FARP2: variants seen among roughly 807,000 people sequenced by gnomAD.
The protein encoded by FARP2 is FERM, ARH/RhoGEF and pleckstrin domain protein 2.
FARP2 carries 111 observed loss-of-function variants against 130.5 expected under a neutral mutation model. That is an observed-to-expected ratio of 0.85 (90% CI 0.73 to 1.00). The LOEUF (loss-of-function observed/expected upper bound fraction) is 1.00, where lower values mean the gene tolerates loss of function less well. FARP2 is among the 50% of genes least tolerant of loss of function. The pLI is 0.00. For missense variants in FARP2, 1,385 were observed against 1,346.3 expected, an observed-to-expected ratio of 1.03 and a Z score of -0.45; for synonymous variants, 504 against 516.9, an observed-to-expected ratio of 0.98 and a Z score of 0.34.
At chr2:241,391,246 A>G (rs2061896919) in intron 2 of FARP2, among the ~76,000 whole-genome samples, 1 of 152,198 alleles carries the variant, frequency 6.6e-6, no homozygotes, top group Non-Finnish European at 1.5e-5. Context: ...GAAGAAAATA[A>G]TTATATGTTT....
At chr2:241,469,550 A>G (rs2064256782) in intron 18 of FARP2, among the ~76,000 whole-genome samples, 1 of 152,254 alleles carries the variant, frequency 6.6e-6, no homozygotes. Flanking sequence ...CTTTCTTTTC[A>G]TTCTAAAAGA....
chr2:241,357,224 G>GGTTTTT (rs2061089205), intron 1 of FARP2, among the ~76,000 whole-genome samples: 1 of 152,182 alleles, frequency 6.6e-6, no homozygotes, highest in African/African-American at 2.4e-5. Context: ...TTTCTCTCTG[G>GGTTTTT]GTTTTTGTTT....
At chr2:241,421,532 T>C (rs1472730392) in intron 8 of FARP2, among the ~76,000 whole-genome samples, 1 of 152,204 alleles carries the variant, frequency 6.6e-6, no homozygotes, top group Non-Finnish European at 1.5e-5. Context: ...TTTGGTTGAC[T>C]CAGCCATTTT....
intron 2 of FARP2, among the ~76,000 whole-genome samples, chr2:241,394,974 G>A (rs2061994568): frequency 6.6e-6 from 1 of 152,332 alleles, no homozygotes; most frequent in South Asian, 2.1e-4. Flanking sequence ...GGCAGACAGC[G>A]AGCAGCAGTA....
intron 2 of FARP2, among the ~76,000 whole-genome samples, chr2:241,402,878 ATATTTTTTTTTTTTTT>A (rs2062228654): frequency 2.4e-4 from 2 of 8,470 alleles, no homozygotes; most frequent in African/African-American, 1.3e-3. Context: ...ATATATATAT[ATATTTTTTTTTTTTTT>A]TTTTTTTTTT....
At chr2:241,491,806 A>C in intron 24 of FARP2, 127 bp downstream of exon 24, 5 of 851,198 alleles carry the variant, frequency 5.9e-6, no homozygotes, top group Admixed American at 6.3e-5. Context: ...ACTGCCTCTT[A>C]CTCTCCCCTT....
At chr2:241,402,419 C>T (rs2062193087) in intron 2 of FARP2, among the ~76,000 whole-genome samples, 1 of 152,124 alleles carries the variant, frequency 6.6e-6, no homozygotes, top group Admixed American at 6.6e-5. Context: ...ACATCTTCAT[C>T]TAATAAGAGC....
At chr2:241,467,664 G>A (rs917418909) in intron 17 of FARP2, among the ~76,000 whole-genome samples, 13 of 151,790 alleles carry the variant, frequency 8.6e-5, no homozygotes, top group African/African-American at 3.1e-4. Flanking sequence ...AAAAAGTCAG[G>A]TGTGGTTATT....
At chr2:241,487,913 A>G (rs2064797692) in intron 21 of FARP2, among the ~76,000 whole-genome samples, 1 of 151,410 alleles carries the variant, frequency 6.6e-6, no homozygotes, top group Non-Finnish European at 1.5e-5. Flanking sequence ...ACGCCTGGCT[A>G]ATTTTTTGTA....
In FARP2 at chr2:241,475,012, T is replaced by C. The variant is rs893900054; in HGVS notation, c.2132-845T>C. Reference sequence around the variant, plus strand: ...TTAGTATAACTTTGTGTTTTAAGTTTCCTGTCCAGATTATAAACTTTCTCT... The same window carrying C: ...TTAGTATAACTTTGTGTTTTAAGTTCCCTGTCCAGATTATAAACTTTCTCT... On this transcript the variant is annotated intron_variant, in intron 18 of 26. Transcript: ENST00000264042. This position sits in a 1 kb window ranked among gnomAD's most constrained non-coding sequence, Gnocchi z 4.4. Among the ~76,000 whole-genome samples the C allele has an allele frequency of 6.6e-6, 1 of 152,168 alleles. No homozygotes were observed. The highest frequency in any genetic ancestry group is 6.5e-5 in the Admixed American group (1 of 15,284).
intron 2 of FARP2, among the ~76,000 whole-genome samples, chr2:241,388,971 A>C (rs1025558281): frequency 6.6e-6 from 1 of 152,160 alleles, no homozygotes; most frequent in South Asian, 2.1e-4. Flanking sequence ...CACGAGTGGG[A>C]TTAGTGCCCT....
chr2:241,361,688 A>G (rs894145622), intron 1 of FARP2, among the ~76,000 whole-genome samples: 28 of 152,272 alleles, frequency 1.8e-4, no homozygotes, highest in South Asian at 4.1e-4. Flanking sequence ...CTCTATAGTC[A>G]AACTGCTTTA....
intron 13 of FARP2, among the ~76,000 whole-genome samples, chr2:241,453,187 G>A (rs746788503): frequency 4.6e-4 from 69 of 150,130 alleles, no homozygotes; most frequent in African/African-American, 3.9e-4. Flanking sequence ...AAAATTAGCC[G>A]GGCATGGTGG....
At chr2:241,418,773 G>A (rs949148321) in intron 8 of FARP2, among the ~76,000 whole-genome samples, 20 of 152,130 alleles carry the variant, frequency 1.3e-4, no homozygotes, top group East Asian at 3.8e-4. Context: ...TGCTAGTGCC[G>A]ACTAGAAGGA....
At chr2:241,464,995 G>A (rs777476663) in intron 17 of FARP2, among the ~76,000 whole-genome samples, 4 of 152,020 alleles carry the variant, frequency 2.6e-5, no homozygotes, top group Non-Finnish European at 5.9e-5. Context: ...CTCACAACAG[G>A]GTCCCCCAGA....
In FARP2 at chr2:241,491,144, C is replaced by A; in HGVS notation, c.2588C>A (p.Ala863Glu). The A allele has an allele frequency of 3.1e-6, 5 of 1,613,194 alleles. No individual in the cohort carries two copies. Among genetic ancestry groups the A allele is most frequent in the Non-Finnish European group, 4.2e-6 (5 of 1,179,890 alleles). The stretch of plus-strand genomic sequence containing the variant: ...AAGAGTGGCGGTGACACGGCCCCTG[C>A]ACTGCCAGGCCGCACTGTGTGCACT... ...AAKSGGDTAP[A>E]LPGRTVCTRP... The change falls in exon 23 of 27, where the codon GCA (alanine) becomes GAA (glutamate). Residue 863 changes from alanine (A) to glutamate (E), a missense_variant. Coordinates refer to ENST00000264042, the MANE Select transcript of FARP2 (RefSeq NM_014808.4).
In FARP2 at chr2:241,407,442, C is replaced by T. The variant is rs973527602; in HGVS notation, c.332-95C>T. 4 of 935,342 alleles carry T rather than the reference C, an allele frequency of 4.3e-6. No individual in the cohort carries two copies. In the African/African-American group the frequency reaches 6.6e-5, roughly 15 times the overall value. 57.9% of individuals were successfully genotyped at this position (935,342 alleles called of 1,614,324 possible). A position where few individuals can be genotyped will look rare whatever the true frequency, so the allele number is the denominator to read the frequency against. ...TGAAAAGATTTGCTGTAACAGTCCA[C>T]TTGGAAGCATGACCTCAGTTATACA... On this transcript the variant is annotated intron_variant, in intron 4 of 26. Coordinates refer to ENST00000264042, the MANE Select transcript of FARP2 (RefSeq NM_014808.4).
chr2:241,397,672 A>G (rs972949728), intron 2 of FARP2, among the ~76,000 whole-genome samples: 3 of 151,936 alleles, frequency 2.0e-5, no homozygotes, highest in Admixed American at 2.0e-4. Context: ...TTCAAGCAGA[A>G]CTGTCCAGCG....
intron 13 of FARP2, among the ~76,000 whole-genome samples, chr2:241,450,632 A>G (rs191784836): frequency 5.3e-5 from 8 of 150,928 alleles, no homozygotes; most frequent in East Asian, 2.0e-4. Context: ...AGCCACTGCA[A>G]TTGCACTCCA....
Sources: allele counts gnomAD v4.1 joint callset (sites outside exome capture counted in the v4.1 genomes callset), GRCh38; gene constraint gnomAD v4.1.1; non-coding constraint Gnocchi (gnomAD v3.1); transcripts MANE v1.5; gene names NCBI Gene and HGNC (gene_info 2026-07-23, HGNC 2026-07-21).